The following ANKFN1 variants were observed in gnomAD, a reference collection of about 807,000 sequenced individuals.
ANKFN1 encodes ankyrin repeat and fibronectin type-III domain-containing protein 1.
ANKFN1 carries 74 observed loss-of-function variants against 108.7 expected under a neutral mutation model. The observed-to-expected ratio is 0.68, with a 90% CI of 0.56 to 0.83. The LOEUF is 0.83. ANKFN1 is among the 40% of genes least tolerant of loss of function. ANKFN1 has a pLI of 0.00. For missense variants in ANKFN1, 1,505 were observed against 1,382.3 expected (o/e 1.09, Z -1.41); for synonymous variants, 547 against 516.2 (o/e 1.06, Z -0.81).
chr17:56,286,467 G>A (rs1023979959), intron 3 of ANKFN1, among the ~76,000 whole-genome samples: 6 of 152,152 alleles, frequency 3.9e-5, no homozygotes, highest in Non-Finnish European at 8.8e-5. Context: ...CAAATATCTG[G>A]AATAATCTGA....
intron 4 of ANKFN1, among the ~76,000 whole-genome samples, chr17:56,086,830 TAAAAAG>T (rs1273965542): frequency 6.6e-6 from 1 of 151,382 alleles, no homozygotes; most frequent in African/African-American, 2.4e-5. Context: ...AAATGATTAA[TAAAAAG>T]GATAACAATA....
intron 1 of ANKFN1, among the ~76,000 whole-genome samples, chr17:56,170,554 G>A (rs1462846647): frequency 6.6e-6 from 1 of 151,638 alleles, no homozygotes; most frequent in East Asian, 1.9e-4. Context: ...TCTGAGGTCA[G>A]GGGTTCAAGA....
intron 4 of ANKFN1, among the ~76,000 whole-genome samples, chr17:56,326,989 A>T (rs761358344): frequency 8.5e-5 from 13 of 152,134 alleles, no homozygotes; most frequent in Non-Finnish European, 1.5e-4. Flanking sequence ...GTGTTATCTA[A>T]GTCTTTTCTT....
At chr17:56,382,742 A>G (rs1485801300) in intron 8 of ANKFN1, among the ~76,000 whole-genome samples, 2 of 152,348 alleles carry the variant, frequency 1.3e-5, no homozygotes, top group Middle Eastern at 3.4e-3. Flanking sequence ...AGGCCATTAC[A>G]TAATGGTAAA....
At chr17:56,124,455 C>T (rs1013650083) in intron 4 of ANKFN1, among the ~76,000 whole-genome samples, 3 of 152,156 alleles carry the variant, frequency 2.0e-5, no homozygotes, top group African/African-American at 7.2e-5. Flanking sequence ...CAAACGTGGT[C>T]CTTGGTACTG....
chr17:56,510,921 G>C lies in ANKFN1; in HGVS notation c.3093G>C (p.Glu1031Asp). ...AGACCCAGTCGCTATCGCTCTCTGAGGGCATTTATACACAGCACCTGTCCC... is the reference window on the plus strand; with the variant it reads ...AGACCCAGTCGCTATCGCTCTCTGACGGCATTTATACACAGCACCTGTCCC... Reference protein sequence around the residue: ...HSETQSLSLSEGIYTQHLSQA... With the variant: ...HSETQSLSLSDGIYTQHLSQA... The change falls in exon 21 of 21, where the codon GAG (glutamate) becomes GAC (aspartate). Residue 1031 changes from glutamate (E) to aspartate (D), a missense_variant. Glu to Asp is a conservative substitution (Grantham distance 45, BLOSUM62 2). Coordinates refer to ENST00000682825, the MANE Select transcript of ANKFN1 (RefSeq NM_001370326.1). 1 of 1,536,164 alleles carries C rather than the reference G, an allele frequency of 6.5e-7. No homozygotes were observed. Among genetic ancestry groups the C allele is most frequent in the Non-Finnish European group, 8.7e-7 (1 of 1,146,914 alleles).
chr17:56,164,903 C>T (rs1181400806), intron 1 of ANKFN1, among the ~76,000 whole-genome samples: 1 of 152,190 alleles, frequency 6.6e-6, no homozygotes, highest in African/African-American at 2.4e-5. Context: ...TGGTAGTATA[C>T]ACAAAATGCT....
chr17:56,372,838 C>A lies in ANKFN1; in HGVS notation c.794C>A (p.Ala265Asp). 1 of 1,611,756 alleles carries A rather than the reference C, an allele frequency of 6.2e-7. No homozygotes were observed. The highest frequency in any genetic ancestry group is 1.3e-5 in the African/African-American group (1 of 74,926). ...CGCATGAAAACAGGCTTTGAGCATG[C>A]CAGTGAGTATAAGCAGAAAATGTCT... ...YRRMKTGFEHARAPEMPTNVC... is the reference protein window; with the variant it reads ...YRRMKTGFEHDRAPEMPTNVC... The change falls in exon 7 of 21, where the codon GCC becomes GAC. Residue 265 changes from alanine (A) to aspartate (D), a missense_variant and splice_region_variant. Ala to Asp is a moderately radical substitution (Grantham distance 126). Coordinates refer to ENST00000682825, the MANE Select transcript of ANKFN1 (RefSeq NM_001370326.1).
intron 3 of ANKFN1, among the ~76,000 whole-genome samples, chr17:56,237,080 C>T (rs995084551): frequency 2.6e-5 from 4 of 152,204 alleles, no homozygotes; most frequent in East Asian, 3.9e-4. Flanking sequence ...TTACATATGT[C>T]GAGCCAACCT....
At chr17:56,315,501 C>CT (rs2144472633) in intron 3 of ANKFN1, among the ~76,000 whole-genome samples, 1 of 152,308 alleles carries the variant, frequency 6.6e-6, no homozygotes, top group Admixed American at 6.5e-5. Context: ...TGTTGCTGTC[C>CT]TTTTAATCCT....
rs186456309 is a variant in ANKFN1 at position 56,410,212 on chromosome 17, A to C, written c.911-30115A>C. On this transcript the variant is annotated intron_variant, in intron 8 of 20. Coordinates refer to ENST00000682825, the MANE Select transcript of ANKFN1 (RefSeq NM_001370326.1). The stretch of plus-strand genomic sequence containing the variant: ...GTGATTCTCCTCCCGAGTAACTGGG[A>C]CTACAGGCATGTGCCACCACGCCCA... Among the ~76,000 whole-genome samples the C allele has an allele frequency of 2.3e-3, 349 of 152,236 alleles. 1 individual carries two copies. Among genetic ancestry groups the C allele is most frequent in the African/African-American group, 7.7e-3 (320 of 41,530 alleles).
chr17:56,510,901 C>T lies in ANKFN1; in HGVS notation c.3073C>T (p.Gln1025Ter), dbSNP rs965636768. The change falls in exon 21 of 21, where the codon CAG becomes TAG. Residue 1025 changes from glutamine to a stop codon, truncating the protein, a stop_gained. Coordinates refer to ENST00000682825, the MANE Select transcript of ANKFN1 (RefSeq NM_001370326.1). LOFTEE classifies it low-confidence loss of function (END_TRUNC). ...CTGGTTGCGCATCCACAGCGAGACC[C>T]AGTCGCTATCGCTCTCTGAGGGCAT... Reference protein sequence around the residue: ...HRWLRIHSETQSLSLSEGIYT... With the variant: ...HRWLRIHSET The T allele has an allele frequency of 4.6e-6, 7 of 1,536,058 alleles. No individual in the cohort carries two copies. Among genetic ancestry groups the T allele is most frequent in the Non-Finnish European group, 6.1e-6 (7 of 1,146,920 alleles).
At chr17:56,338,690 C>G (rs749290047) in intron 4 of ANKFN1, among the ~76,000 whole-genome samples, 4 of 151,818 alleles carry the variant, frequency 2.6e-5, no homozygotes, top group Non-Finnish European at 4.4e-5. Context: ...CGTTGCTATC[C>G]ATTTCAAGAT....
intron 15 of ANKFN1, among the ~76,000 whole-genome samples, chr17:56,468,965 C>G (rs975418404): frequency 5.9e-5 from 9 of 151,930 alleles, no homozygotes; most frequent in Non-Finnish European, 1.0e-4. Flanking sequence ...TACACTAATC[C>G]CCTATAGGGA....
At chr17:56,187,116 A>G (rs1049165317) in intron 1 of ANKFN1, among the ~76,000 whole-genome samples, 1 of 152,246 alleles carries the variant, frequency 6.6e-6, no homozygotes, top group African/African-American at 2.4e-5. Context: ...GCGTCTGCAC[A>G]ACAAAAGAAA....
chr17:56,490,021 G>T (rs996157160), intron 18 of ANKFN1, among the ~76,000 whole-genome samples: 2 of 152,166 alleles, frequency 1.3e-5, no homozygotes, highest in South Asian at 4.1e-4. Context: ...CGGGTGAAGG[G>T]TCTGCCTCTT....
chr17:56,285,189 C>T (rs760190849), intron 3 of ANKFN1, among the ~76,000 whole-genome samples: 26 of 152,060 alleles, frequency 1.7e-4, no homozygotes, highest in Non-Finnish European at 3.4e-4. Flanking sequence ...AGCAGGGGTG[C>T]GGTTGGGGAC....
intron 18 of ANKFN1, among the ~76,000 whole-genome samples, chr17:56,486,866 A>C (rs1038432766): frequency 3.9e-5 from 6 of 152,236 alleles, no homozygotes; most frequent in African/African-American, 1.4e-4. Flanking sequence ...GACTTGTATA[A>C]GTCATCCCTG....
chr17:56,128,506 G>GT (rs1907075199), intron 4 of ANKFN1, among the ~76,000 whole-genome samples: 2 of 152,278 alleles, frequency 1.3e-5, no homozygotes, highest in Non-Finnish European at 2.9e-5. Flanking sequence ...GTTCTGTTCT[G>GT]TAACAATGTC....
Sources: allele counts gnomAD v4.1 joint callset (sites outside exome capture counted in the v4.1 genomes callset), GRCh38; gene constraint gnomAD v4.1.1; transcripts MANE v1.5; gene names NCBI Gene and HGNC (gene_info 2026-07-23, HGNC 2026-07-21).